NT5C2: variants seen among roughly 807,000 people sequenced by gnomAD.
The protein encoded by NT5C2 is 5'-nucleotidase, cytosolic II.
NT5C2 carries 58 observed loss-of-function variants against 76.1 expected under a neutral mutation model. That is an observed-to-expected ratio of 0.76 (90% CI 0.62 to 0.95). NT5C2 has a LOEUF of 0.95. Ranked by LOEUF, NT5C2 falls within the 40% of genes least tolerant of loss-of-function variation. The probability of loss-of-function intolerance (pLI) is 0.00; values close to 1 mark genes in which losing one functional copy is unlikely to be tolerated. For missense variants in NT5C2, 478 were observed against 690.3 expected (o/e 0.69, Z 3.45); for synonymous variants, 229 against 237.4 (o/e 0.96, Z 0.32).
Position 103,091,615 on chromosome 10 carries a change from G to T in NT5C2, c.1160C>A (p.Ser387Ter). ...QELHVWTDKSSLFEELQSLDI... is the reference protein window; with the variant it reads ...QELHVWTDKS ...CAAGCTCTGAAGTTCTTCGAAAAGT[G>T]CTAGTTAAGGTTTGGAAGGAAAAGG... is the stretch of plus-strand genomic sequence containing the variant. Residue 387 changes from serine to a stop codon, truncating the protein, a stop_gained and splice_region_variant, in exon 16 of 19, where the codon TCA (serine) becomes TAA (stop). Coordinates refer to ENST00000404739, the MANE Select transcript of NT5C2 (RefSeq NM_001351169.2). LOFTEE classifies it high-confidence loss of function. 1 of 1,612,322 alleles carries T rather than the reference G, an allele frequency of 6.2e-7. No individual in the cohort carries two copies. Among genetic ancestry groups the T allele is most frequent in the Non-Finnish European group, 8.5e-7 (1 of 1,178,482 alleles).
chr10:103,125,573 A>G (rs1541213), intron 4 of NT5C2, among the ~76,000 whole-genome samples: 47,964 of 152,126 alleles, frequency 0.32, 7,653 homozygotes, highest in Middle Eastern at 0.36. Flanking sequence ...CCACGAGGAG[A>G]TAATGTTAAG....
intron 4 of NT5C2, among the ~76,000 whole-genome samples, chr10:103,125,768 T>G (rs1266665783): frequency 2.6e-5 from 4 of 152,242 alleles, no homozygotes; most frequent in Non-Finnish European, 5.9e-5. Flanking sequence ...TTCTGTTTTC[T>G]ATTTTCACTC....
At chr10:103,149,184 G>A (rs772291235) in intron 3 of NT5C2, among the ~76,000 whole-genome samples, 9 of 152,066 alleles carry the variant, frequency 5.9e-5, no homozygotes, top group Non-Finnish European at 8.8e-5. Flanking sequence ...ATCCTCTCTG[G>A]AAGAACTCAA....
chr10:103,111,922 G>T, intron 4 of NT5C2: 1 of 557,650 alleles, frequency 1.8e-6, no homozygotes, highest in African/African-American at 1.9e-5. Flanking sequence ...ATTTACAGGA[G>T]TTACTACTGC....
intron 3 of NT5C2, among the ~76,000 whole-genome samples, chr10:103,167,627 C>T (rs1403273609): frequency 6.6e-6 from 1 of 151,850 alleles, no homozygotes; most frequent in Non-Finnish European, 1.5e-5. Context: ...ATAAAGATTT[C>T]CCCTTTTTTT....
chr10:103,172,468 C>G (rs896678335), intron 3 of NT5C2, among the ~76,000 whole-genome samples: 1 of 151,540 alleles, frequency 6.6e-6, no homozygotes, highest in Admixed American at 6.6e-5. Context: ...AGGAAGGTCT[C>G]GATCTCCTGA....
At chr10:103,139,529 C>A (rs1181619173) in intron 3 of NT5C2, 50 bp from the exon 4 acceptor site, 2 of 1,248,194 alleles carry the variant, frequency 1.6e-6, no homozygotes, top group South Asian at 2.8e-5. Flanking sequence ...AATAAATTCT[C>A]AAGTTTAATA....
Position 103,088,260 on chromosome 10 carries a change from A to G in NT5C2, c.*1412T>C, listed in dbSNP as rs1292135050. 1 of 152,262 alleles carries G rather than the reference A, an allele frequency of 6.6e-6. No individual in the cohort carries two copies. Among genetic ancestry groups the G allele is most frequent in the Non-Finnish European group, 1.5e-5 (1 of 68,040 alleles). 9.4% of individuals were successfully genotyped at this position (152,262 alleles called of 1,614,324 possible). A position where few individuals can be genotyped will look rare whatever the true frequency, so the allele number is the denominator to read the frequency against. ...TATACAATGGTTAAAGAAAGAGTCTATAACCACTGTTTGTTTAAAATGTTG... is the reference window on the plus strand; with the variant it reads ...TATACAATGGTTAAAGAAAGAGTCTGTAACCACTGTTTGTTTAAAATGTTG... On this transcript the variant is annotated 3_prime_UTR_variant, in exon 19 of 19. Transcript: ENST00000404739.
At chr10:103,176,727 C>T (rs183236770) in intron 2 of NT5C2, among the ~76,000 whole-genome samples, 11 of 152,258 alleles carry the variant, frequency 7.2e-5, no homozygotes, top group Non-Finnish European at 1.6e-4. Flanking sequence ...AGGCTGGTCT[C>T]GAACTCCTGG....
At chr10:103,174,621 G>T (rs2089346205) in intron 3 of NT5C2, among the ~76,000 whole-genome samples, 3 of 147,444 alleles carry the variant, frequency 2.0e-5, no homozygotes, top group Admixed American at 2.0e-4. Flanking sequence ...ATTAACTTAG[G>T]TGCAATTTTC....
Position 103,147,961 on chromosome 10 carries a change from T to C in NT5C2, c.102-8482A>G, listed in dbSNP as rs544700506. On this transcript the variant is annotated intron_variant, in intron 3 of 18. Coordinates refer to ENST00000404739, the MANE Select transcript of NT5C2 (RefSeq NM_001351169.2). ...AAATTGTATGCTTTAAAAGGGTGAA[T>C]TGAATGATACGTGAATTGTATCTCA... 5.9e-5 allele frequency among the ~76,000 whole-genome samples: 9 copies of C among 152,272 alleles called. No homozygotes were observed. The South Asian group carries it at 6.2e-4, about 11-fold the overall frequency.
intron 3 of NT5C2, among the ~76,000 whole-genome samples, chr10:103,168,558 G>A (rs2086976825): frequency 6.6e-6 from 1 of 152,168 alleles, no homozygotes; most frequent in Non-Finnish European, 1.5e-5. Context: ...AGGTCACTAT[G>A]ACATCTGAGC....
intron 3 of NT5C2, 92 bp from the exon 4 acceptor site, chr10:103,139,571 A>C (rs1281541432): frequency 2.2e-6 from 2 of 910,198 alleles, no homozygotes; most frequent in Non-Finnish European, 1.6e-6. Context: ...AGGTTTTCTC[A>C]TTTATTTTTC....
intron 15 of NT5C2, among the ~76,000 whole-genome samples, chr10:103,092,914 G>T (rs574593114): frequency 2.9e-4 from 41 of 139,706 alleles, no homozygotes; most frequent in African/African-American, 1.1e-3. Context: ...ACTTAACCTC[G>T]AAGAGATTCA....
chr10:103,104,776 G>C (rs1289010177), intron 6 of NT5C2, among the ~76,000 whole-genome samples: 1 of 152,076 alleles, frequency 6.6e-6, no homozygotes, highest in Non-Finnish European at 1.5e-5. Context: ...AATTACAGTT[G>C]GTTTGTGCCT....
chr10:103,112,988 TTAAA>T lies in NT5C2; in HGVS notation c.176-6286_176-6283del, dbSNP rs147254010. Among the ~76,000 whole-genome samples the T allele has an allele frequency of 1.7e-3, 257 of 152,266 alleles. 9 individuals are homozygous for T. In the East Asian group the frequency reaches 0.032, roughly 19 times the overall value. On this transcript the variant is annotated intron_variant, in intron 4 of 18. Transcript: ENST00000404739. The stretch of plus-strand genomic sequence containing the variant: ...ACTATATGAAAATCCTCCTAACACA[TTAAA>T]TAGACACAGGCAAAAATCCTATCTC...
intron 4 of NT5C2, among the ~76,000 whole-genome samples, chr10:103,134,581 TCTG>T (rs1241658406): frequency 6.6e-6 from 1 of 152,300 alleles, no homozygotes; most frequent in African/African-American, 2.4e-5. Context: ...ATGGAAAACC[TCTG>T]CTAAGGCAGT....
At chr10:103,151,144 T>G (rs1156817483) in intron 3 of NT5C2, among the ~76,000 whole-genome samples, 1 of 152,110 alleles carries the variant, frequency 6.6e-6, no homozygotes, top group Admixed American at 6.5e-5. Flanking sequence ...GAATATTCAG[T>G]TGTTCCAGTA....
intron 3 of NT5C2, among the ~76,000 whole-genome samples, chr10:103,165,295 G>A (rs1395359753): frequency 6.6e-6 from 1 of 151,920 alleles, no homozygotes; most frequent in African/African-American, 2.4e-5. Flanking sequence ...GGAGTTCAAG[G>A]CCAGACTGAC....
Sources: gnomAD v4.1 joint callset for allele counts (sites outside exome capture counted in the v4.1 genomes callset) on GRCh38, gnomAD v4.1.1 for gene constraint, MANE v1.5 for transcripts, NCBI Gene and HGNC (gene_info 2026-07-23, HGNC 2026-07-21) for gene names.